Variants in DNAH7 observed in about 807,000 individuals in gnomAD.
DNAH7 encodes axonemal beta dynein heavy chain 7.
DNAH7 carries 397 observed loss-of-function variants against 444.6 expected under a neutral mutation model. That is an observed-to-expected ratio of 0.89 (90% CI 0.82 to 0.97). The LOEUF is 0.97. Among genes scored for constraint, DNAH7 ranks in the 50% least tolerant of loss-of-function variants. The probability of loss-of-function intolerance (pLI) is 0.00; values close to 1 mark genes in which losing one functional copy is unlikely to be tolerated. For missense variants in DNAH7, 4,902 were observed against 4,800.8 expected (o/e 1.02, Z -0.62); for synonymous variants, 1,636 against 1,624.4 (o/e 1.01, Z -0.17).
chr2:195,811,109 A>T (rs1203076194), intron 51 of DNAH7, among the ~76,000 whole-genome samples: 1 of 152,250 alleles, frequency 6.6e-6, no homozygotes, highest in South Asian at 2.1e-4. Context: ...GTGAAAAAGA[A>T]GATTAAAATT....
intron 50 of DNAH7, 65 bp downstream of exon 50, chr2:195,817,631 G>A (rs953485985): frequency 4.3e-5 from 63 of 1,461,624 alleles, no homozygotes; most frequent in Non-Finnish European, 5.6e-5. Context: ...TCTGTAAAAT[G>A]TATTTTAATT....
At chr2:195,989,471 C>T (rs935367141) in intron 12 of DNAH7, among the ~76,000 whole-genome samples, 9 of 152,004 alleles carry the variant, frequency 5.9e-5, no homozygotes, top group South Asian at 4.2e-4. Flanking sequence ...ACCTGTTGGC[C>T]ATCTATTTGT....
chr2:196,032,609 G>C (rs1262842870), intron 5 of DNAH7, among the ~76,000 whole-genome samples: 1 of 152,192 alleles, frequency 6.6e-6, no homozygotes, highest in East Asian at 1.9e-4. Context: ...TCTGTATCAA[G>C]TACACTAATT....
intron 24 of DNAH7, among the ~76,000 whole-genome samples, chr2:195,916,675 T>A (rs1360811393): frequency 1.3e-5 from 2 of 152,058 alleles, no homozygotes; most frequent in Admixed American, 1.3e-4. Context: ...CTGGCTAAAA[T>A]GCTGAAACCC....
At chr2:196,035,654 C>T (rs966927336) in intron 5 of DNAH7, among the ~76,000 whole-genome samples, 3 of 152,154 alleles carry the variant, frequency 2.0e-5, no homozygotes, top group Admixed American at 6.5e-5. Context: ...AAAACAGGGA[C>T]CCTCTGAGGC....
chr2:195,755,412 T>C (rs1694023872), intron 62 of DNAH7, among the ~76,000 whole-genome samples: 3 of 152,202 alleles, frequency 2.0e-5, no homozygotes, highest in Non-Finnish European at 2.9e-5. Flanking sequence ...CAACTTTAAC[T>C]AGATAGTAAA....
chr2:195,925,467 G>C (rs1688273189), intron 22 of DNAH7, among the ~76,000 whole-genome samples: 1 of 152,100 alleles, frequency 6.6e-6, no homozygotes, highest in South Asian at 2.1e-4. Flanking sequence ...GTAAACTCAG[G>C]GGCTTACTGC....
chr2:195,976,745 GAC>G (rs1692214534), intron 15 of DNAH7, among the ~76,000 whole-genome samples: 3 of 110,156 alleles, frequency 2.7e-5, no homozygotes, highest in African/African-American at 1.2e-4. Flanking sequence ...CAGAGAGGCA[GAC>G]AGAGAGAGAG....
intron 60 of DNAH7, 73 bp from the exon 61 acceptor site, chr2:195,771,963 AG>A: frequency 2.4e-6 from 3 of 1,268,006 alleles, no homozygotes; most frequent in Non-Finnish European, 3.4e-6. Context: ...AAAAATCCTA[AG>A]GTAAATCTTT....
At chr2:195,893,332 T>A (rs1259415262) in intron 30 of DNAH7, 1 of 152,440 alleles carries the variant, frequency 6.6e-6, no homozygotes, top group East Asian at 1.9e-4. Context: ...CCTCCCGGGT[T>A]CACGACATTC....
At chr2:195,874,467 C>T (rs1471261443) in intron 38 of DNAH7, among the ~76,000 whole-genome samples, 1 of 152,096 alleles carries the variant, frequency 6.6e-6, no homozygotes, top group African/African-American at 2.4e-5. Flanking sequence ...ATGGTTTCAG[C>T]ATACTTTTCT....
At chr2:196,010,237 C>A (rs1010214967) in intron 10 of DNAH7, among the ~76,000 whole-genome samples, 1 of 151,894 alleles carries the variant, frequency 6.6e-6, no homozygotes. Flanking sequence ...GCAACTTCCA[C>A]CTCCCAGGTT....
Position 195,864,321 on chromosome 2 carries a change from TC to T in DNAH7, c.7333del (p.Asp2445IlefsTer11). The T allele has an allele frequency of 6.2e-7, 1 of 1,614,178 alleles. No homozygotes were observed. The highest frequency in any genetic ancestry group is 1.1e-5 in the South Asian group (1 of 91,080). ...GCTGCCATCTGTTTGCTTGGTTTTA[TC>T]CCGCTGGCGATCTAACTGACGCATC... ...DKMRQLDRQR[D>X]KTKQTDGSPI... On this transcript the variant is annotated frameshift_variant, in exon 41 of 65. Transcript: ENST00000312428. LOFTEE classifies it high-confidence loss of function.
chr2:196,014,408 C>T (rs111321463), intron 9 of DNAH7, among the ~76,000 whole-genome samples: 2 of 152,096 alleles, frequency 1.3e-5, no homozygotes, highest in African/African-American at 4.8e-5. Flanking sequence ...CCAAATCACC[C>T]AGACCATGAA....
intron 31 of DNAH7, 27 bp from the exon 32 acceptor site, chr2:195,889,008 G>C: frequency 1.9e-6 from 3 of 1,571,070 alleles, no homozygotes; most frequent in Non-Finnish European, 2.6e-6. Context: ...TGAACAGAGG[G>C]CAAAAACGTA....
chr2:195,975,540 G>A (rs1692132592), intron 15 of DNAH7, among the ~76,000 whole-genome samples: 1 of 151,934 alleles, frequency 6.6e-6, no homozygotes. Context: ...GCCGTGTGGG[G>A]TCAGAGCCAG....
At chr2:195,876,348 C>A (rs141248905) in intron 37 of DNAH7, among the ~76,000 whole-genome samples, 196 bp downstream of exon 37, 10 of 152,144 alleles carry the variant, frequency 6.6e-5, no homozygotes, top group Admixed American at 1.3e-4. Flanking sequence ...ACTCAAAGGG[C>A]AACTCCTTGT....
At chr2:196,042,251 T>G (rs1203005576) in intron 5 of DNAH7, among the ~76,000 whole-genome samples, 1 of 151,918 alleles carries the variant, frequency 6.6e-6, no homozygotes, top group African/African-American at 2.4e-5. Context: ...GTGTATATAT[T>G]CGAAATAAAG....
chr2:195,900,197 C>G (rs1044704247), intron 28 of DNAH7, 85 bp downstream of exon 28: 4 of 1,408,148 alleles, frequency 2.8e-6, no homozygotes, highest in Admixed American at 1.8e-5. Context: ...AGGAAACCAA[C>G]AAGTTATTGG....
Sources: allele counts gnomAD v4.1 joint callset (sites outside exome capture counted in the v4.1 genomes callset), GRCh38; gene constraint gnomAD v4.1.1; transcripts MANE v1.5; gene names NCBI Gene and HGNC (gene_info 2026-07-23, HGNC 2026-07-21).